The following L3MBTL1 variants were observed in gnomAD, a reference collection of about 807,000 sequenced individuals.
The protein encoded by L3MBTL1 is lethal(3)malignant brain tumor-like protein 1.
In L3MBTL1, 75 loss-of-function variants were observed where a neutral mutation model predicts 105.3. The ratio of observed to expected loss-of-function variants is 0.71; its 90% CI spans 0.59 to 0.86. The LOEUF is 0.86. Among genes scored for constraint, L3MBTL1 ranks in the 40% least tolerant of loss-of-function variants. L3MBTL1 has a pLI of 0.00. For synonymous variants in L3MBTL1, 452 were observed against 436.2 expected (o/e 1.04, Z -0.45); for missense variants, 1,069 against 1,126.4 (o/e 0.95, Z 0.73).
rs1391772977 is a variant in L3MBTL1 at position 43,536,310 on chromosome 20, A to AATCAGGGCCCGGGC, written c.2123+17_2123+30dup. 2 of 1,612,244 alleles carry AATCAGGGCCCGGGC rather than the reference A, an allele frequency of 1.2e-6. No individual in the cohort carries two copies. Among genetic ancestry groups the AATCAGGGCCCGGGC allele is most frequent in the African/African-American group, 1.3e-5 (1 of 75,008 alleles). ...ATCACGGCCGGTATGGAGGCCAGGGAATCAGGGCCCGGGCTTCCTGGGGGT... is the reference window on the plus strand; with the variant it reads ...ATCACGGCCGGTATGGAGGCCAGGGAATCAGGGCCCGGGCATCAGGGCCCGGGCTTCCTGGGGGT... On this transcript the variant is annotated intron_variant, in intron 18 of 21. Transcript: ENST00000418998.
At chr20:43,536,010 C>T in intron 17 of L3MBTL1, 74 bp downstream of exon 17, 1 of 1,589,686 alleles carries the variant, frequency 6.3e-7, no homozygotes, top group South Asian at 1.1e-5. Context: ...TGGGGTCCAC[C>T]AAAACACACT....
chr20:43,535,697 G>T (rs1289877514), intron 16 of L3MBTL1, 140 bp from the exon 17 acceptor site: 3 of 598,854 alleles, frequency 5.0e-6, no homozygotes, highest in African/African-American at 3.7e-5. Context: ...ACACAGAATG[G>T]TGTCACAGCC....
chr20:43,508,377 G>A (rs1476850326), intron 1 of L3MBTL1, among the ~76,000 whole-genome samples: 2 of 152,156 alleles, frequency 1.3e-5, no homozygotes, highest in East Asian at 3.9e-4. Context: ...GGCCGCTTCC[G>A]TCCCCTCCCG....
At chr20:43,536,340 G>A in intron 18 of L3MBTL1, 46 bp downstream of exon 18, 2 of 1,612,110 alleles carry the variant, frequency 1.2e-6, no homozygotes, top group Non-Finnish European at 1.7e-6. Flanking sequence ...GGGGGTGTGG[G>A]GCCTTGTAGC....
chr20:43,522,216 G>A (rs961664307), intron 7 of L3MBTL1, among the ~76,000 whole-genome samples: 1 of 152,136 alleles, frequency 6.6e-6, no homozygotes. Context: ...TTAGCCAGGC[G>A]TGGTGGCGTG....
At chr20:43,514,264 TG>T (rs2018236357) in intron 3 of L3MBTL1, 1 of 773,282 alleles carries the variant, frequency 1.3e-6, no homozygotes, top group Non-Finnish European at 2.0e-6. Flanking sequence ...GGGCGTGGCT[TG>T]GAGTGAGGCA....
At chr20:43,536,518 T>C (rs950539418) in intron 19 of L3MBTL1, 60 bp downstream of exon 19, 15 of 1,571,696 alleles carry the variant, frequency 9.5e-6, no homozygotes, top group Non-Finnish European at 1.2e-5. Flanking sequence ...GCGAGTGCTC[T>C]GTCATTGGTG....
chr20:43,512,326 G>A (rs1010590509), intron 1 of L3MBTL1, among the ~76,000 whole-genome samples: 24 of 152,090 alleles, frequency 1.6e-4, no homozygotes, highest in Admixed American at 5.2e-4. Context: ...ATTTTAATAC[G>A]TCTAAAGCTG....
intron 9 of L3MBTL1, 78 bp downstream of exon 9, chr20:43,529,446 G>A: frequency 1.0e-6 from 1 of 971,588 alleles, no homozygotes; most frequent in Non-Finnish European, 1.6e-6. Flanking sequence ...GACATAGAAG[G>A]AAACACCTCC....
In L3MBTL1 at chr20:43,536,201, G is replaced by T. The variant is rs145295216; in HGVS notation, c.2030G>T (p.Arg677Leu). The T allele has an allele frequency of 6.2e-7, 1 of 1,612,982 alleles. No individual in the cohort carries two copies. Among genetic ancestry groups the T allele is most frequent in the Non-Finnish European group, 8.5e-7 (1 of 1,179,772 alleles). ...CCACTGGCTGAGAGGAACCAGAGCC[G>T]GCTGAAAGCGGAGCTGTCTGACTCG... Reference protein sequence around the residue: ...GCPLAERNQSRLKAELSDSEA... With the variant: ...GCPLAERNQSLLKAELSDSEA... Residue 677 changes from arginine to leucine, a missense_variant, in exon 18 of 22, where the codon CGG becomes CTG. Coordinates refer to ENST00000418998, the MANE Select transcript of L3MBTL1 (RefSeq NM_001377303.1).
intron 10 of L3MBTL1, 40 bp from the exon 11 acceptor site, chr20:43,530,758 C>G: frequency 1.3e-6 from 2 of 1,589,238 alleles, no homozygotes; most frequent in Non-Finnish European, 1.7e-6. Context: ...GTGGCCCAGC[C>G]TCTGCACGGC....
chr20:43,507,775 C>T (rs550906151), intron 1 of L3MBTL1, 31 bp downstream of exon 1: 8 of 152,292 alleles, frequency 5.3e-5, no homozygotes, highest in Admixed American at 3.9e-4. Context: ...GGGCTCAGAC[C>T]TTGCGTCCCC....
At position 43,534,823 on chromosome 20, in the gene L3MBTL1, C is replaced by T. The variant is rs745922219; in HGVS notation, c.1711-5C>T. On this transcript the variant is annotated splice_region_variant and splice_polypyrimidine_tract_variant and intron_variant, in intron 15 of 21. Transcript: ENST00000418998. Reference sequence around the variant, plus strand: ...GCCTGACTTCCAAGAGCCTTTCCTCCCCAGATCCACTTTGATGGCTGGAGT... The same window carrying T: ...GCCTGACTTCCAAGAGCCTTTCCTCTCCAGATCCACTTTGATGGCTGGAGT... 3.1e-6 allele frequency: 5 copies of T among 1,606,358 alleles called. No homozygotes were observed. Among genetic ancestry groups the T allele is most frequent in the Non-Finnish European group, 4.3e-6 (5 of 1,176,022 alleles).
intron 19 of L3MBTL1, 52 bp from the exon 20 acceptor site, chr20:43,540,099 G>A (rs775251524): frequency 3.1e-6 from 5 of 1,602,430 alleles, no homozygotes; most frequent in Non-Finnish European, 4.2e-6. Flanking sequence ...TGGGCTTCGG[G>A]AACAGTTTAG....
intron 7 of L3MBTL1, among the ~76,000 whole-genome samples, chr20:43,521,437 G>A (rs1358017870): frequency 6.6e-6 from 1 of 152,194 alleles, no homozygotes; most frequent in Non-Finnish European, 1.5e-5. Context: ...TACTGTGTTG[G>A]TTTCTAGGTT....
chr20:43,547,128 G>A (rs113734884), intron 18 of L3MBTL1, among the ~76,000 whole-genome samples: 3 of 129,812 alleles, frequency 2.3e-5, no homozygotes, highest in Admixed American at 8.3e-5. Context: ...TTTTTGAGAC[G>A]GAGTCTCGCT....
In L3MBTL1 at chr20:43,522,947, C is replaced by CA. The variant is rs558647277; in HGVS notation, c.863-5699dup. On this transcript the variant is annotated intron_variant, in intron 7 of 21. Transcript: ENST00000418998. ...GCGAACCCCGTCGCTAATAAGAATACAAAAAAAAAAATTAGCTGGGCATGG... is the reference window on the plus strand; with the variant it reads ...GCGAACCCCGTCGCTAATAAGAATACAAAAAAAAAAAATTAGCTGGGCATGG... Among the ~76,000 whole-genome samples the CA allele has an allele frequency of 0.01, 1,447 of 142,740 alleles. 44 individuals carry two copies. In the South Asian group the frequency reaches 0.12, roughly 12 times the overall value. 93.6% of individuals were successfully genotyped at this position (142,740 alleles called of 152,430 possible).
chr20:43,535,274 G>A (rs2019549478), intron 16 of L3MBTL1, among the ~76,000 whole-genome samples: 1 of 152,192 alleles, frequency 6.6e-6, no homozygotes, highest in African/African-American at 2.4e-5. Flanking sequence ...GTTTGCTAAG[G>A]ACATGATGGC....
Position 43,508,479 on chromosome 20 carries a change from G to A in L3MBTL1, c.-29+735G>A, listed in dbSNP as rs142453353. ...GTGTGTTGTTTTCTGGGTAGCTGTCGAGGGCTCTACTCCCCACCCAACACC... is the reference window on the plus strand; with the variant it reads ...GTGTGTTGTTTTCTGGGTAGCTGTCAAGGGCTCTACTCCCCACCCAACACC... On this transcript the variant is annotated intron_variant, in intron 1 of 21. Transcript: ENST00000418998. Among the ~76,000 whole-genome samples the A allele has an allele frequency of 2.0e-3, 312 of 152,320 alleles. 1 individual carries two copies. The highest frequency in any genetic ancestry group is 3.9e-3 in the Non-Finnish European group (264 of 68,030).
Sources: allele counts gnomAD v4.1 joint callset (sites outside exome capture counted in the v4.1 genomes callset), GRCh38; gene constraint gnomAD v4.1.1; transcripts MANE v1.5; gene names NCBI Gene and HGNC (gene_info 2026-07-23, HGNC 2026-07-21).